Variants in SUGCT observed in about 807,000 individuals in gnomAD.
SUGCT encodes succinyl-CoA:glutarate-CoA transferase.
Under a neutral mutation model 55.0 loss-of-function variants are expected in SUGCT, and 41 were observed. That is an observed-to-expected ratio of 0.74 (90% CI 0.58 to 0.97). The LOEUF (loss-of-function observed/expected upper bound fraction) is 0.97. Ranked by LOEUF, SUGCT falls within the 50% of genes least tolerant of loss-of-function variation. SUGCT has a pLI of 0.00. For synonymous variants in SUGCT, 187 were observed against 200.4 expected (o/e 0.93, Z 0.56); for missense variants, 568 against 547.8 (o/e 1.04, Z -0.37).
At chr7:40,966,311 A>G in the SUGCT span, 2 of 152,344 alleles carry the variant, frequency 1.3e-5, no homozygotes, top group African/African-American at 2.4e-5. Flanking sequence ...AGGATTCTGC[A>G]TTGATGGAAA....
chr7:40,172,068 G>T (rs1229329037), intron 1 of SUGCT, among the ~76,000 whole-genome samples: 1 of 151,944 alleles, frequency 6.6e-6, no homozygotes. Flanking sequence ...TTAGCTTGTT[G>T]CCCCCATTTG....
intron 6 of SUGCT, among the ~76,000 whole-genome samples, chr7:40,200,064 C>T (rs1240896115): frequency 6.6e-6 from 1 of 152,108 alleles, no homozygotes; most frequent in Non-Finnish European, 1.5e-5. Context: ...AACTGACTGG[C>T]TGGTACATGA....
At chr7:40,415,067 T>C (rs1208575991) in intron 9 of SUGCT, among the ~76,000 whole-genome samples, 2 of 110,330 alleles carry the variant, frequency 1.8e-5, no homozygotes, top group African/African-American at 3.3e-5. Context: ...AAAAAATCTA[T>C]CTATCTATCT....
intron 6 of SUGCT, among the ~76,000 whole-genome samples, chr7:40,230,533 A>C (rs566562646): frequency 6.6e-6 from 1 of 152,230 alleles, no homozygotes; most frequent in Non-Finnish European, 1.5e-5. Flanking sequence ...ATCGCAGGAC[A>C]TGAGAGGCTG....
At chr7:40,299,202 C>T (rs767692378) in intron 8 of SUGCT, among the ~76,000 whole-genome samples, 15 of 151,962 alleles carry the variant, frequency 9.9e-5, no homozygotes, top group East Asian at 1.9e-4. Flanking sequence ...CTATGCCAGA[C>T]GGGTAATTAA....
chr7:41,030,682 T>A, the SUGCT span, among the ~76,000 whole-genome samples: 1 of 152,170 alleles, frequency 6.6e-6, no homozygotes, highest in Non-Finnish European at 1.5e-5. Flanking sequence ...GGATTAATCA[T>A]ACATTATAAA....
intron 13 of SUGCT, among the ~76,000 whole-genome samples, chr7:40,833,385 A>C (rs1313495711): frequency 6.6e-6 from 1 of 152,186 alleles, no homozygotes; most frequent in African/African-American, 2.4e-5. Flanking sequence ...GTGGAAAGTA[A>C]ACATTGACTT....
intron 9 of SUGCT, among the ~76,000 whole-genome samples, chr7:40,348,966 T>C (rs1797469991): frequency 6.6e-6 from 1 of 152,206 alleles, no homozygotes; most frequent in African/African-American, 2.4e-5. Context: ...TTTCCCTACA[T>C]AGATGGTTTT....
chr7:40,601,577 T>C (rs560975604), intron 12 of SUGCT, among the ~76,000 whole-genome samples: 2 of 152,328 alleles, frequency 1.3e-5, no homozygotes, highest in South Asian at 4.1e-4. Flanking sequence ...CACAGGAACC[T>C]TACGCTTTGT....
intron 9 of SUGCT, among the ~76,000 whole-genome samples, chr7:40,350,450 A>C (rs916514996): frequency 2.0e-5 from 3 of 151,166 alleles, no homozygotes; most frequent in Non-Finnish European, 3.0e-5. Flanking sequence ...AGTAGCTGGA[A>C]CTACAGGTGA....
intron 12 of SUGCT, among the ~76,000 whole-genome samples, chr7:40,508,004 A>G (rs1157981644): frequency 6.6e-6 from 1 of 152,066 alleles, no homozygotes; most frequent in East Asian, 1.9e-4. Context: ...ATGCCCTTAG[A>G]CTTAGAGCTC....
chr7:40,735,760 A>C (rs1171597339), intron 12 of SUGCT, among the ~76,000 whole-genome samples: 1 of 152,196 alleles, frequency 6.6e-6, no homozygotes, highest in Non-Finnish European at 1.5e-5. Context: ...AGACTGAAGA[A>C]AAAAACAGTA....
chr7:40,181,516 C>T (rs953527792), intron 2 of SUGCT, among the ~76,000 whole-genome samples: 3 of 151,966 alleles, frequency 2.0e-5, no homozygotes, highest in Non-Finnish European at 2.9e-5. Flanking sequence ...GAGGCTGAGG[C>T]GGGCGGATCA....
At chr7:40,195,872 C>G (rs571458548) in intron 6 of SUGCT, among the ~76,000 whole-genome samples, 2 of 151,862 alleles carry the variant, frequency 1.3e-5, no homozygotes, top group Admixed American at 1.3e-4. Flanking sequence ...TACCACCATG[C>G]CTGGCTGATT....
intron 12 of SUGCT, among the ~76,000 whole-genome samples, chr7:40,517,784 G>C (rs1159693492): frequency 2.0e-5 from 3 of 152,096 alleles, no homozygotes; most frequent in African/African-American, 7.2e-5. Flanking sequence ...ATTTGCTGTA[G>C]AGTAGTTGGT....
At chr7:40,590,708 C>T (rs999819256) in intron 12 of SUGCT, among the ~76,000 whole-genome samples, 6 of 152,104 alleles carry the variant, frequency 3.9e-5, no homozygotes, top group African/African-American at 7.2e-5. Context: ...ACTCCTTTGT[C>T]GGGGCTAATG....
intron 9 of SUGCT, among the ~76,000 whole-genome samples, chr7:40,329,666 C>G (rs1796206625): frequency 6.6e-6 from 1 of 152,044 alleles, no homozygotes; most frequent in South Asian, 2.1e-4. Flanking sequence ...TCTAATGAAC[C>G]AGAATCTGCA....
chr7:40,184,358 C>T (rs964840806), intron 3 of SUGCT, among the ~76,000 whole-genome samples: 5 of 152,002 alleles, frequency 3.3e-5, no homozygotes, highest in Admixed American at 1.3e-4. Flanking sequence ...TGGCTTACTG[C>T]GGCCTTGACC....
intron 9 of SUGCT, among the ~76,000 whole-genome samples, chr7:40,378,433 T>C (rs975914799): frequency 6.6e-6 from 1 of 152,240 alleles, no homozygotes; most frequent in Non-Finnish European, 1.5e-5. Context: ...GTTATTGTAC[T>C]TTTCAACTCC....
Sources: gnomAD v4.1 joint callset for allele counts (sites outside exome capture counted in the v4.1 genomes callset) on GRCh38, gnomAD v4.1.1 for gene constraint, MANE v1.5 for transcripts, NCBI Gene and HGNC (gene_info 2026-07-23, HGNC 2026-07-21) for gene names.